Variants in GRIK1 observed in about 807,000 individuals in gnomAD.
GRIK1 encodes the protein glutamate receptor ionotropic, kainate 1.
A neutral mutation model predicts 105.7 loss-of-function variants in GRIK1; 69 were observed. The ratio of observed to expected loss-of-function variants is 0.65; its 90% CI spans 0.54 to 0.80. The LOEUF (loss-of-function observed/expected upper bound fraction) is 0.80, where lower values mean the gene tolerates loss of function less well. Among genes scored for constraint, GRIK1 ranks in the 30% least tolerant of loss-of-function variants. GRIK1 has a pLI of 0.00. For synonymous variants in GRIK1, 438 were observed against 431.3 expected, an observed-to-expected ratio of 1.02 and a Z score of -0.19; for missense variants, 1,109 against 1,167.3, an observed-to-expected ratio of 0.95 and a Z score of 0.73.
chr21:29,630,173 G>C (rs1374471975), intron 7 of GRIK1, among the ~76,000 whole-genome samples: 2 of 152,266 alleles, frequency 1.3e-5, no homozygotes, highest in African/African-American at 4.8e-5. Flanking sequence ...GAGGTAGATA[G>C]ATAAATAAAA....
intron 1 of GRIK1, among the ~76,000 whole-genome samples, chr21:29,865,290 G>T (rs114014171): frequency 0.022 from 1,978 of 90,472 alleles, 46 homozygotes; most frequent in African/African-American, 0.078. Flanking sequence ...GATTATTTAC[G>T]GTACATTTCT....
chr21:29,835,686 A>T (rs2067779469), intron 1 of GRIK1, among the ~76,000 whole-genome samples: 1 of 152,190 alleles, frequency 6.6e-6, no homozygotes. Context: ...CTATAAATCC[A>T]TCTGGTCTTG....
chr21:29,890,757 A>G (rs1234380419), intron 1 of GRIK1, among the ~76,000 whole-genome samples: 1 of 152,180 alleles, frequency 6.6e-6, no homozygotes, highest in East Asian at 1.9e-4. Context: ...AGTGACACAT[A>G]CAGAGAAACA....
chr21:29,815,145 T>C (rs2067121414), intron 1 of GRIK1, among the ~76,000 whole-genome samples: 1 of 152,182 alleles, frequency 6.6e-6, no homozygotes, highest in African/African-American at 2.4e-5. Flanking sequence ...ATGCACTTTT[T>C]TGCTTCTCCA....
chr21:29,726,231 T>A (rs1332023996), intron 1 of GRIK1, among the ~76,000 whole-genome samples: 4 of 152,190 alleles, frequency 2.6e-5, no homozygotes, highest in Non-Finnish European at 4.4e-5. Context: ...ATGAGGATAG[T>A]TTCAAGGCCA....
intron 16 of GRIK1, among the ~76,000 whole-genome samples, chr21:29,538,455 G>A (rs118103880): frequency 0.025 from 3,747 of 152,150 alleles, 70 homozygotes; most frequent in Non-Finnish European, 0.039. Flanking sequence ...GGGGATATAA[G>A]GTTTCAATTA....
intron 14 of GRIK1, among the ~76,000 whole-genome samples, chr21:29,563,234 C>A (rs1399056825): frequency 2.6e-5 from 4 of 152,096 alleles, no homozygotes; most frequent in Non-Finnish European, 4.4e-5. Flanking sequence ...AAATGGAATA[C>A]CTGCGGAGTC....
intron 15 of GRIK1, among the ~76,000 whole-genome samples, chr21:29,560,566 T>TTCTCTCTCTCTCTCTCTCTCTCTCTCTC (rs1412076201): frequency 8.2e-6 from 1 of 121,492 alleles, no homozygotes; most frequent in African/African-American, 4.3e-5. Context: ...CTTTCTTTCT[T>TTCTCTCTCTCTCTCTCTCTCTCTCTCTC]TCTTTCTTTC....
chr21:29,847,729 TATC>T (rs1337498252), intron 1 of GRIK1, among the ~76,000 whole-genome samples: 2 of 152,222 alleles, frequency 1.3e-5, no homozygotes, highest in Non-Finnish European at 2.9e-5. Flanking sequence ...TTGAAACAAT[TATC>T]ATTGCATTCT....
intron 1 of GRIK1, among the ~76,000 whole-genome samples, chr21:29,848,922 C>T (rs1412123421): frequency 3.3e-5 from 5 of 151,418 alleles, no homozygotes; most frequent in South Asian, 2.1e-4. Flanking sequence ...AATAGATTTT[C>T]GGAACTTTCT....
At chr21:29,929,706 A>G (rs1234320088) in intron 1 of GRIK1, among the ~76,000 whole-genome samples, 7 of 152,238 alleles carry the variant, frequency 4.6e-5, no homozygotes, top group Admixed American at 4.6e-4. Context: ...CAACTCTTAC[A>G]TGCTGTTGGC....
intron 1 of GRIK1, among the ~76,000 whole-genome samples, chr21:29,779,956 A>C (rs537299086): frequency 6.6e-6 from 1 of 152,330 alleles, no homozygotes; most frequent in Non-Finnish European, 1.5e-5. Context: ...TGGAACACTA[A>C]ATACTATGAA....
chr21:29,882,762 A>G (rs949586161), intron 1 of GRIK1, among the ~76,000 whole-genome samples: 3 of 152,078 alleles, frequency 2.0e-5, no homozygotes, highest in African/African-American at 7.2e-5. Context: ...ATGAGCCTGG[A>G]AAGTTTGTTT....
In GRIK1 at chr21:29,689,729, T is replaced by C; in HGVS notation, c.543A>G (p.Thr181=). ...KTVTVVYEDS[T]GLIRLQELIK... is the part of the protein sequence containing the mutation. The stretch of plus-strand genomic sequence containing the variant: ...TGAGGTCTTGTGTGAGTCCCATACC[T>C]GTGCTGTCTTCATACACCACTGTCA... Residue 181 remains threonine (T), a splice_region_variant and synonymous_variant, in exon 3 of 18, where the codon ACA becomes ACG. Coordinates refer to ENST00000327783, the MANE Select transcript of GRIK1 (RefSeq NM_001330994.2). 2 of 1,613,724 alleles carry C rather than the reference T, an allele frequency of 1.2e-6. No homozygotes were observed. Among genetic ancestry groups the C allele is most frequent in the African/African-American group, 2.7e-5 (2 of 75,042 alleles).
intron 1 of GRIK1, among the ~76,000 whole-genome samples, chr21:29,854,776 C>A (rs1429813151): frequency 6.6e-6 from 1 of 152,146 alleles, no homozygotes; most frequent in African/African-American, 2.4e-5. Context: ...TCTTCCCCAG[C>A]AAGGCCCAGG....
chr21:29,908,487 C>T (rs1002620963), intron 1 of GRIK1, among the ~76,000 whole-genome samples: 5 of 152,050 alleles, frequency 3.3e-5, no homozygotes, highest in Non-Finnish European at 5.9e-5. Context: ...AACAGCAGAG[C>T]GTACCTTCAG....
chr21:29,827,134 C>T (rs552382735), intron 1 of GRIK1, among the ~76,000 whole-genome samples: 2 of 152,140 alleles, frequency 1.3e-5, no homozygotes, highest in East Asian at 3.9e-4. Flanking sequence ...TTTAGGGCTG[C>T]TTAACTGGTT....
chr21:29,662,232 C>T (rs1385672908), intron 4 of GRIK1, among the ~76,000 whole-genome samples: 1 of 152,194 alleles, frequency 6.6e-6, no homozygotes, highest in Non-Finnish European at 1.5e-5. Context: ...GATTGCATCA[C>T]CCAGGTGCAC....
intron 1 of GRIK1, among the ~76,000 whole-genome samples, chr21:29,883,922 T>C (rs1301412214): frequency 2.6e-5 from 4 of 151,958 alleles, no homozygotes; most frequent in Non-Finnish European, 4.4e-5. Flanking sequence ...CCCGACAGGC[T>C]TCAACAGGTT....
Sources: allele counts gnomAD v4.1 joint callset (sites outside exome capture counted in the v4.1 genomes callset), GRCh38; gene constraint gnomAD v4.1.1; transcripts MANE v1.5; gene names NCBI Gene and HGNC (gene_info 2026-07-23, HGNC 2026-07-21).